PXK: variants seen among roughly 807,000 people sequenced by gnomAD.
PXK encodes PX domain-containing protein kinase-like protein.
PXK carries 35 observed loss-of-function variants against 84.7 expected under a neutral mutation model. The ratio of observed to expected loss-of-function variants is 0.41; its 90% CI spans 0.32 to 0.55. The LOEUF is 0.55. Among genes scored for constraint, PXK ranks in the 20% least tolerant of loss-of-function variants. The pLI is 0.21. For missense variants in PXK, 634 were observed against 699.7 expected (o/e 0.91, Z 1.06); for synonymous variants, 253 against 260.8 (o/e 0.97, Z 0.29).
intron 9 of PXK, 108 bp from the exon 10 acceptor site, chr3:58,396,931 G>T: frequency 8.5e-7 from 1 of 1,179,900 alleles, no homozygotes; most frequent in South Asian, 1.7e-5. Flanking sequence ...TCTTCTCAGT[G>T]ACCTGTTTGG....
rs1398051735 is a variant in PXK, at chr3:58,364,296, G to A, written c.103-1578G>A. Among the ~76,000 whole-genome samples the A allele has an allele frequency of 6.6e-6, 1 of 152,130 alleles. No homozygotes were observed. Among genetic ancestry groups the A allele is most frequent in the African/African-American group, 2.4e-5 (1 of 41,418 alleles). ...CCTCTTCTGTGTTTTAGAAGAGTTT[G>A]TAGAGAATTGGTGTTGATTCTTCTT... On this transcript the variant is annotated intron_variant, in intron 1 of 17. Coordinates refer to ENST00000356151, the MANE Select transcript of PXK (RefSeq NM_017771.5). The surrounding 1 kb of genome is among the most constrained non-coding windows in gnomAD (Gnocchi z 4.3).
chr3:58,425,130 C>A lies in PXK; in HGVS notation c.*170C>A. On this transcript the variant is annotated 3_prime_UTR_variant, in exon 18 of 18. Coordinates refer to ENST00000356151, the MANE Select transcript of PXK (RefSeq NM_017771.5). ...TTTTCGAGAGAAATAATTCTTTAAG[C>A]AGAATAAAGTTAGGCTGGCATTGCT... 9.5e-7 allele frequency: 1 copy of A among 1,057,910 alleles called. No individual in the cohort carries two copies. The highest frequency in any genetic ancestry group is 1.7e-5 in the South Asian group (1 of 58,650). 65.5% of individuals were successfully genotyped at this position (1,057,910 alleles called of 1,614,324 possible). A position where few individuals can be genotyped will look rare whatever the true frequency, so the allele number is the denominator to read the frequency against.
At chr3:58,424,684 C>T in intron 17 of PXK, 68 bp from the exon 18 acceptor site, 1 of 1,555,804 alleles carries the variant, frequency 6.4e-7, no homozygotes, top group South Asian at 1.2e-5. Flanking sequence ...GTGCTCAGGA[C>T]TGAGCAGCAG....
chr3:58,348,515 G>T (rs142047473), intron 1 of PXK, among the ~76,000 whole-genome samples: 1 of 152,168 alleles, frequency 6.6e-6, no homozygotes, highest in African/African-American at 2.4e-5. Context: ...TTTTCTAGTA[G>T]CCATGTTAAA....
chr3:58,388,556 T>C (rs2098589179), intron 4 of PXK, among the ~76,000 whole-genome samples: 1 of 152,228 alleles, frequency 6.6e-6, no homozygotes, highest in South Asian at 2.1e-4. Flanking sequence ...GTTCCCAGTG[T>C]TGATAATGAA....
rs776179342 is a variant in PXK, at chr3:58,395,146, T to C, written c.720+44T>C. ...GGTCATAAGGAATTCTCAAGTTCCTTTAGAACCTGTTATTGATACTTAGTC... is the reference window on the plus strand; with the variant it reads ...GGTCATAAGGAATTCTCAAGTTCCTCTAGAACCTGTTATTGATACTTAGTC... On this transcript the variant is annotated intron_variant, in intron 8 of 17. Transcript: ENST00000356151. 2.1e-6 allele frequency: 3 copies of C among 1,405,924 alleles called. No homozygotes were observed. The East Asian group carries it at 6.9e-5, about 32-fold the overall frequency. 87.1% of individuals were successfully genotyped at this position (1,405,924 alleles called of 1,614,324 possible). A position where few individuals can be genotyped will look rare whatever the true frequency, so the allele number is the denominator to read the frequency against.
At position 58,333,163 on chromosome 3, in the gene PXK, G is replaced by C; in HGVS notation, c.102+73G>C. On this transcript the variant is annotated intron_variant, in intron 1 of 17. Coordinates refer to ENST00000356151, the MANE Select transcript of PXK (RefSeq NM_017771.5). The surrounding 1 kb of genome is among the most constrained non-coding windows in gnomAD (Gnocchi z 5.4). ...GCGAGGGGGCTGCGGGCTGCCTGGC[G>C]CGGGCCGGGCAGGGTCGTCGGACGG... The C allele has an allele frequency of 6.7e-6, 6 of 898,784 alleles. No individual in the cohort carries two copies. Among genetic ancestry groups the C allele is most frequent in the Non-Finnish European group, 8.1e-6 (6 of 743,780 alleles). 55.7% of individuals were successfully genotyped at this position (898,784 alleles called of 1,614,324 possible).
rs2060688518 is a variant in PXK, at chr3:58,414,559, G to A, written c.1528+1596G>A. On this transcript the variant is annotated intron_variant, in intron 17 of 17. Transcript: ENST00000356151. This position sits in a 1 kb window ranked among gnomAD's most constrained non-coding sequence, Gnocchi z 4.5. ...TCTTGTATAATTAGAGTCAATGTTG[G>A]GAAAACTTGGAGGTGAGTGGGAGGG... The A allele has an allele frequency of 6.6e-6, 1 of 152,140 alleles. No individual in the cohort carries two copies. Among genetic ancestry groups the A allele is most frequent in the Non-Finnish European group, 1.5e-5 (1 of 68,022 alleles). The allele number at this position is 152,140 out of a possible 1,614,324, so 9.4% of individuals were successfully genotyped here. A position where few individuals can be genotyped will look rare whatever the true frequency, so the allele number is the denominator to read the frequency against.
At chr3:58,422,607 C>T (rs2062073077) in intron 17 of PXK, 4 of 985,328 alleles carry the variant, frequency 4.1e-6, no homozygotes, top group African/African-American at 1.7e-5. Flanking sequence ...GAACCCCACC[C>T]TCAACTCCCA....
intron 1 of PXK, 22 bp from the exon 2 acceptor site, chr3:58,365,852 A>T: frequency 2.0e-6 from 3 of 1,516,112 alleles, no homozygotes; most frequent in Non-Finnish European, 2.7e-6. Flanking sequence ...AACTGAGGTT[A>T]TTCTTCCCTT....
rs543968410 is a variant in PXK, at chr3:58,401,339, C to T, written c.1181+1962C>T. 5.3e-5 allele frequency among the ~76,000 whole-genome samples: 8 copies of T among 152,066 alleles called. No homozygotes were observed. In the South Asian group the frequency reaches 1.0e-3, roughly 20 times the overall value. ...TTTAAAAAAGAGTAATATAGCTGGG[C>T]GCGGTGGCTCACACCTATAATCCCA... is the stretch of plus-strand genomic sequence containing the variant. On this transcript the variant is annotated intron_variant, in intron 12 of 17. Coordinates refer to ENST00000356151, the MANE Select transcript of PXK (RefSeq NM_017771.5). This position sits in a 1 kb window ranked among gnomAD's most constrained non-coding sequence, Gnocchi z 4.4.
rs1168856565 is a variant in PXK, at chr3:58,418,843, C to A, written c.1528+5880C>A. Among the ~76,000 whole-genome samples, 4 of 152,234 alleles carry A rather than the reference C, an allele frequency of 2.6e-5. No homozygotes were observed. In the East Asian group the frequency reaches 7.7e-4, roughly 29 times the overall value. On this transcript the variant is annotated intron_variant, in intron 17 of 17. Transcript: ENST00000356151. The stretch of plus-strand genomic sequence containing the variant: ...GTGGAGAGAAAGGGAAGTTTCAAAT[C>A]TGCAGAGGAAGAGGTGTGGGAGCCC...
chr3:58,381,852 C>G (rs1282206999), intron 3 of PXK, among the ~76,000 whole-genome samples: 1 of 151,984 alleles, frequency 6.6e-6, no homozygotes, highest in Non-Finnish European at 1.5e-5. Context: ...CTGAGAGACT[C>G]GAACGTGGCT....
At chr3:58,358,419 A>T (rs1006353988) in intron 1 of PXK, among the ~76,000 whole-genome samples, 5 of 152,178 alleles carry the variant, frequency 3.3e-5, no homozygotes, top group African/African-American at 1.2e-4. Context: ...CCAGTAACTA[A>T]GCGCACCCTG....
intron 3 of PXK, among the ~76,000 whole-genome samples, chr3:58,376,837 G>A (rs1265231215): frequency 6.9e-6 from 1 of 144,404 alleles, no homozygotes; most frequent in Non-Finnish European, 1.6e-5. Flanking sequence ...ATGGGGTTTT[G>A]CTATGTTGAT....
intron 17 of PXK, chr3:58,422,282 G>T (rs1376905266): frequency 1.0e-6 from 1 of 985,208 alleles, no homozygotes; most frequent in South Asian, 4.7e-5. Flanking sequence ...CTCCCCTCCA[G>T]AGTGTTCCAA....
chr3:58,338,667 G>T (rs9862378), intron 1 of PXK, among the ~76,000 whole-genome samples: 81,706 of 151,200 alleles, frequency 0.54, 24,460 homozygotes, highest in African/African-American at 0.81. Flanking sequence ...TGTGTGATAG[G>T]TAACTTGCAG....
At chr3:58,375,013 TG>T (rs2098425946) in intron 3 of PXK, among the ~76,000 whole-genome samples, 1 of 148,984 alleles carries the variant, frequency 6.7e-6, no homozygotes, top group East Asian at 1.9e-4. Context: ...AAAGAACTGA[TG>T]GGATGTCTGG....
At chr3:58,337,561 C>G (rs2097646461) in intron 1 of PXK, among the ~76,000 whole-genome samples, 1 of 152,100 alleles carries the variant, frequency 6.6e-6, no homozygotes. Flanking sequence ...ACCTCAGTCT[C>G]CTGGCTCAAG....
Sources: gnomAD v4.1 joint callset for allele counts (sites outside exome capture counted in the v4.1 genomes callset) on GRCh38, gnomAD v4.1.1 for gene constraint, Gnocchi (gnomAD v3.1) non-coding constraint, MANE v1.5 for transcripts, NCBI Gene and HGNC (gene_info 2026-07-23, HGNC 2026-07-21) for gene names.